CARD14: variants seen among roughly 807,000 people sequenced by gnomAD.
CARD14 encodes caspase recruitment domain-containing protein 14.
Under a neutral mutation model 111.5 loss-of-function variants are expected in CARD14, and 107 were observed. The ratio of observed to expected loss-of-function variants is 0.96; its 90% confidence interval spans 0.82 to 1.13. The LOEUF (loss-of-function observed/expected upper bound fraction) is 1.13, where lower values mean the gene tolerates loss of function less well. CARD14 is among the 50% of genes most tolerant of loss of function. The probability of loss-of-function intolerance (pLI) is 0.00; values close to 1 mark genes in which losing one functional copy is unlikely to be tolerated. For missense variants in CARD14, 1,322 were observed against 1,362.3 expected, an observed-to-expected ratio of 0.97 and a Z score of 0.47; for synonymous variants, 617 against 579.6, an observed-to-expected ratio of 1.06 and a Z score of -0.93.
Position 80,191,473 on chromosome 17 carries a change from G to A in CARD14, c.1239+1G>A. The A allele has an allele frequency of 6.2e-7, 1 of 1,611,250 alleles. No homozygotes were observed. The stretch of plus-strand genomic sequence containing the variant: ...GCTGCAGGCAGAGCCTCCGGGTGTG[G>A]TGAGTGTTCCCGGCTGACCCGAGCT... On this transcript the variant is annotated splice_donor_variant, in intron 11 of 23. Transcript: ENST00000648509. LOFTEE classifies it high-confidence loss of function.
At position 80,202,055 on chromosome 17, in the gene CARD14, C is replaced by A. The variant is rs3813063; in HGVS notation, c.1979-125C>A. 548,013 of 1,184,974 alleles carry A rather than the reference C, an allele frequency of 0.46. 132,352 individuals are homozygous for A. Among genetic ancestry groups the A allele is most frequent in the East Asian group, 0.55 (23,195 of 42,556 alleles). 73.4% of individuals were successfully genotyped at this position (1,184,974 alleles called of 1,614,324 possible). ...GCTGGAAACCTCCCACCCACTGACT[C>A]CAGTGCCAGAGCAGCTTCTGAGACT... On this transcript the variant is annotated intron_variant, in intron 17 of 23. Coordinates refer to ENST00000648509, the MANE Select transcript of CARD14 (RefSeq NM_001366385.1).
intron 3 of CARD14, among the ~76,000 whole-genome samples, chr17:80,178,895 G>A (rs7212328): frequency 0.013 from 1,931 of 152,234 alleles, 38 homozygotes; most frequent in African/African-American, 0.044. Flanking sequence ...ACAGGCACCC[G>A]TCACCATGAC....
In CARD14 at chr17:80,182,368, G is replaced by A. The variant is rs978764567; in HGVS notation, c.212-285G>A. 6.6e-6 allele frequency among the ~76,000 whole-genome samples: 1 copy of A among 152,186 alleles called. No individual in the cohort carries two copies. Among genetic ancestry groups the A allele is most frequent in the Non-Finnish European group, 1.5e-5 (1 of 68,030 alleles). On this transcript the variant is annotated intron_variant, in intron 5 of 23. Coordinates refer to ENST00000648509, the MANE Select transcript of CARD14 (RefSeq NM_001366385.1). The surrounding 1 kb of genome is among the most constrained non-coding windows in gnomAD (Gnocchi z 4.7). ...GGGACCCACCTCCTCACCCCGTCCCGGTCCCCCCGCACTCGCCAGAGCACT... is the reference window on the plus strand; with the variant it reads ...GGGACCCACCTCCTCACCCCGTCCCAGTCCCCCCGCACTCGCCAGAGCACT...
chr17:80,192,716 TCCCCACA>T, intron 12 of CARD14, 97 bp downstream of exon 12: 5 of 776,106 alleles, frequency 6.4e-6, no homozygotes, highest in African/African-American at 1.7e-5. Context: ...TTCCACCCTG[TCCCCACA>T]GGGAAGAGGT....
intron 12 of CARD14, among the ~76,000 whole-genome samples, chr17:80,193,064 T>A (rs1007778978): frequency 1.3e-5 from 2 of 152,186 alleles, no homozygotes; most frequent in African/African-American, 4.8e-5. Flanking sequence ...TGCGAGAGTT[T>A]TAAACATCAG....
At chr17:80,199,166 C>T (rs960033367) in intron 16 of CARD14, among the ~76,000 whole-genome samples, 6 of 151,916 alleles carry the variant, frequency 3.9e-5, no homozygotes, top group Admixed American at 2.0e-4. Context: ...TGTTACGAAA[C>T]GCACAAAACT....
chr17:80,188,056 C>T lies in CARD14; in HGVS notation c.676-321C>T. On this transcript the variant is annotated intron_variant, in intron 7 of 23. Coordinates refer to ENST00000648509, the MANE Select transcript of CARD14 (RefSeq NM_001366385.1). This position sits in a 1 kb window ranked among gnomAD's most constrained non-coding sequence, Gnocchi z 4.5. ...AAGCCAGGGAGCATGCTGGCCATCACTGCCGGCTGCTCAGCTGTAGAGATC... is the reference window on the plus strand; with the variant it reads ...AAGCCAGGGAGCATGCTGGCCATCATTGCCGGCTGCTCAGCTGTAGAGATC... 1.3e-6 allele frequency: 1 copy of T among 764,344 alleles called. No homozygotes were observed. The highest frequency in any genetic ancestry group is 1.6e-6 in the Non-Finnish European group (1 of 617,650). The allele number at this position is 764,344 out of a possible 1,614,324, so 47.3% of individuals were successfully genotyped here.
intron 21 of CARD14, 121 bp from the exon 22 acceptor site, chr17:80,205,410 A>C (rs1345733823): frequency 1.5e-6 from 2 of 1,375,892 alleles, no homozygotes; most frequent in Non-Finnish European, 2.0e-6. Context: ...TAAAGTGGAC[A>C]TCCTAAGAAG....
chr17:80,192,661 T>C lies in CARD14; in HGVS notation c.1356+42T>C, dbSNP rs567417083. 2.3e-5 allele frequency: 34 copies of C among 1,483,390 alleles called. 1 individual carries two copies. In the South Asian group the frequency reaches 3.7e-4, roughly 16 times the overall value. 91.9% of individuals were successfully genotyped at this position (1,483,390 alleles called of 1,614,324 possible). ...CGCCTCCCTCACTGCCTTGACCCTCTGGGCCAGCCCAGGGGCCTCTCTGTC... is the reference window on the plus strand; with the variant it reads ...CGCCTCCCTCACTGCCTTGACCCTCCGGGCCAGCCCAGGGGCCTCTCTGTC... On this transcript the variant is annotated intron_variant, in intron 12 of 23. Transcript: ENST00000648509.
At position 80,202,214 on chromosome 17, in the gene CARD14, A is replaced by T; in HGVS notation, c.2013A>T (p.Lys671Asn). Residue 671 changes from lysine to asparagine, a missense_variant, in exon 18 of 24, where the codon AAA becomes AAT. Coordinates refer to ENST00000648509, the MANE Select transcript of CARD14 (RefSeq NM_001366385.1). ...YKRLLQDLEA[K>N]VATSGDSFYI... ...GGCTACTCCAGGACCTGGAGGCCAA[A>T]GTGGCGACCTCGGGGGACTCATTCT... 1 of 1,613,988 alleles carries T rather than the reference A, an allele frequency of 6.2e-7. No individual in the cohort carries two copies. Among genetic ancestry groups the T allele is most frequent in the South Asian group, 1.1e-5 (1 of 91,084 alleles).
Position 80,181,663 on chromosome 17 carries a change from C to A in CARD14, c.211+14C>A. ...CCATGCGGGCCGGTGAGCGCAGCTC[C>A]CTCTTCCCCACCTCTTCCAGCTTCC... On this transcript the variant is annotated intron_variant, in intron 5 of 23. Coordinates refer to ENST00000648509, the MANE Select transcript of CARD14 (RefSeq NM_001366385.1). 6.5e-7 allele frequency: 1 copy of A among 1,533,482 alleles called. No individual in the cohort carries two copies. The highest frequency in any genetic ancestry group is 8.8e-7 in the Non-Finnish European group (1 of 1,139,760). The allele number at this position is 1,533,482 out of a possible 1,614,324, so 95.0% of individuals were successfully genotyped here.
At position 80,171,287 on chromosome 17, in the gene CARD14, T is replaced by TTTTC. The variant is rs952836579; in HGVS notation, c.-690+1245_-690+1248dup. Among the ~76,000 whole-genome samples the TTTTC allele has an allele frequency of 2.7e-4, 41 of 149,322 alleles. No individual in the cohort carries two copies. In the East Asian group the frequency reaches 7.0e-3, roughly 26 times the overall value. On this transcript the variant is annotated intron_variant, in intron 1 of 23. Transcript: ENST00000648509. ...TCCTTCCTCTCTCTTTCTTTTCTTCTTTTCTTTCTTTCTTTCTCTCTCTCT... is the reference window on the plus strand; with the variant it reads ...TCCTTCCTCTCTCTTTCTTTTCTTCTTTTCTTTCTTTCTTTCTTTCTCTCTCTCT...
At position 80,195,091 on chromosome 17, in the gene CARD14, C is replaced by T. The variant is rs993971519; in HGVS notation, c.1357-100C>T. The T allele has an allele frequency of 2.9e-5, 41 of 1,438,558 alleles. No individual in the cohort carries two copies. Among genetic ancestry groups the T allele is most frequent in the African/African-American group, 5.7e-5 (4 of 70,458 alleles). The allele number at this position is 1,438,558 out of a possible 1,614,324, so 89.1% of individuals were successfully genotyped here. On this transcript the variant is annotated intron_variant, in intron 12 of 23. Transcript: ENST00000648509. The surrounding 1 kb of genome is among the most constrained non-coding windows in gnomAD (Gnocchi z 4.7). Reference sequence around the variant, plus strand: ...TTTCCCCTCCTGCCTCCTCTCCAGTCAGTTCTCACTGTGGCTCTCTCTACA... The same window carrying T: ...TTTCCCCTCCTGCCTCCTCTCCAGTTAGTTCTCACTGTGGCTCTCTCTACA...
At position 80,191,454 on chromosome 17, in the gene CARD14, G is replaced by T. The variant is rs1170752616; in HGVS notation, c.1221G>T (p.Gln407His). ...CELRTQLRQL[Q>H]AEPPGVLKQE... ...TGCGCACACAGCTTCGCCAGCTGCA[G>T]GCAGAGCCTCCGGGTGTGGTGAGTG... Residue 407 changes from glutamine to histidine, a missense_variant, in exon 11 of 24, where the codon CAG (glutamine) becomes CAT (histidine). Physicochemically the swap from Gln to His is conservative, Grantham distance 24. Coordinates refer to ENST00000648509, the MANE Select transcript of CARD14 (RefSeq NM_001366385.1). 2 of 1,613,004 alleles carry T rather than the reference G, an allele frequency of 1.2e-6. No homozygotes were observed. The highest frequency in any genetic ancestry group is 1.7e-6 in the Non-Finnish European group (2 of 1,179,468).
In CARD14 at chr17:80,195,562, T is replaced by C. The variant is rs1388140550; in HGVS notation, c.1504T>C (p.Cys502Arg). 1.2e-6 allele frequency: 2 copies of C among 1,610,938 alleles called. No homozygotes were observed. The highest frequency in any genetic ancestry group is 1.1e-5 in the South Asian group (1 of 90,828). ...GCTGCTGCTTATGCTTTGCAGCAGC[T>C]GCCTGGAGATCCCGGAGGGAGACCC... Reference protein sequence around the residue: ...FGEEPWSFSSCLEIPEGDPGA... With the variant: ...FGEEPWSFSSRLEIPEGDPGA... The change falls in exon 14 of 24, where the codon TGC becomes CGC. Residue 502 changes from cysteine (C) to arginine (R), a missense_variant. By Grantham distance (180) the Cys-to-Arg change is radical. Coordinates refer to ENST00000648509, the MANE Select transcript of CARD14 (RefSeq NM_001366385.1). The surrounding 1 kb of genome is among the most constrained non-coding windows in gnomAD (Gnocchi z 4.7).
rs1412533743 is a variant in CARD14, at chr17:80,208,909, C to T, written c.*564C>T. ...TTCTGAGGCTGCGATGCCTCAGGAA[C>T]TCCAGTTTACAGAGACCAGTGTGTT... On this transcript the variant is annotated 3_prime_UTR_variant, in exon 24 of 24. Coordinates refer to ENST00000648509, the MANE Select transcript of CARD14 (RefSeq NM_001366385.1). The T allele has an allele frequency of 6.6e-6, 1 of 152,338 alleles. No individual in the cohort carries two copies. Among genetic ancestry groups the T allele is most frequent in the African/African-American group, 2.4e-5 (1 of 41,484 alleles). 9.4% of individuals were successfully genotyped at this position (152,338 alleles called of 1,614,324 possible). A position where few individuals can be genotyped will look rare whatever the true frequency, so the allele number is the denominator to read the frequency against.
At chr17:80,194,624 T>C (rs1457274252) in intron 12 of CARD14, among the ~76,000 whole-genome samples, 1 of 152,206 alleles carries the variant, frequency 6.6e-6, no homozygotes, top group African/African-American at 2.4e-5. Context: ...CAGTTCAGCA[T>C]GGCTGGGGAG....
rs1211818829 is a variant in CARD14, at chr17:80,201,640, C to G, written c.1852-104C>G. Reference sequence around the variant, plus strand: ...AGGCGTGCAGGCAGTGGTCCTACGGCAGGGCTGGCCCGCGCCTCGCCTCAG... The same window carrying G: ...AGGCGTGCAGGCAGTGGTCCTACGGGAGGGCTGGCCCGCGCCTCGCCTCAG... On this transcript the variant is annotated intron_variant, in intron 16 of 23. Transcript: ENST00000648509. This position sits in a 1 kb window ranked among gnomAD's most constrained non-coding sequence, Gnocchi z 5.0. 1.6e-6 allele frequency: 2 copies of G among 1,229,552 alleles called. No homozygotes were observed. The highest frequency in any genetic ancestry group is 3.0e-5 in the African/African-American group (2 of 67,500). 76.2% of individuals were successfully genotyped at this position (1,229,552 alleles called of 1,614,324 possible).
chr17:80,186,230 C>A (rs554127678), intron 7 of CARD14, among the ~76,000 whole-genome samples: 3 of 152,160 alleles, frequency 2.0e-5, no homozygotes, highest in South Asian at 4.2e-4. Flanking sequence ...TTGGACCAGG[C>A]CAGCCCACTT....
Sources: gnomAD v4.1 joint callset for allele counts (sites outside exome capture counted in the v4.1 genomes callset) on GRCh38, gnomAD v4.1.1 for gene constraint, Gnocchi (gnomAD v3.1) non-coding constraint, MANE v1.5 for transcripts, NCBI Gene and HGNC (gene_info 2026-07-23, HGNC 2026-07-21) for gene names.